Variants in NUP107 observed in about 807,000 individuals in gnomAD.
The protein encoded by NUP107 is nucleoporin 107.
Under a neutral mutation model 141.0 loss-of-function variants are expected in NUP107, and 101 were observed. That is an observed-to-expected ratio of 0.72 (90% CI 0.61 to 0.84). NUP107 has a LOEUF of 0.84. NUP107 is among the 40% of genes least tolerant of loss of function. NUP107 has a pLI of 0.00. For synonymous variants in NUP107, 319 were observed against 363.9 expected, an observed-to-expected ratio of 0.88 and a Z score of 1.41; for missense variants, 941 against 1,102.7, an observed-to-expected ratio of 0.85 and a Z score of 2.08.
Position 68,742,000 on chromosome 12 carries a change from A to G in NUP107, c.2670+20A>G. 1 of 1,541,638 alleles carries G rather than the reference A, an allele frequency of 6.5e-7. No homozygotes were observed. The highest frequency in any genetic ancestry group is 8.8e-7 in the Non-Finnish European group (1 of 1,141,668). On this transcript the variant is annotated intron_variant, in intron 27 of 27. Transcript: ENST00000229179. ...TACCTGGTAAGTTCTAGAGCCTTGT[A>G]GTTTTAAATTTTAATGATTTGATAT... is the stretch of plus-strand genomic sequence containing the variant.
intron 20 of NUP107, 65 bp downstream of exon 20, chr12:68,727,454 G>T: frequency 1.1e-6 from 1 of 885,668 alleles, no homozygotes; most frequent in Non-Finnish European, 1.8e-6. Context: ...AACTCAGAAT[G>T]ATGCTATTTT....
intron 21 of NUP107, 56 bp downstream of exon 21, chr12:68,731,316 G>C (rs555115443): frequency 7.3e-6 from 11 of 1,503,950 alleles, no homozygotes; most frequent in Non-Finnish European, 9.9e-6. Flanking sequence ...GTTCATTTTG[G>C]CTGTAGTAAC....
intron 1 of NUP107, among the ~76,000 whole-genome samples, chr12:68,688,338 C>T (rs894431373): frequency 4.6e-5 from 7 of 152,212 alleles, no homozygotes; most frequent in African/African-American, 1.4e-4. Context: ...CCTTTTAGTC[C>T]GCACAATTTA....
intron 8 of NUP107, chr12:68,705,898 AC>A: frequency 4.6e-6 from 4 of 873,056 alleles, no homozygotes; most frequent in Middle Eastern, 2.5e-4. Context: ...AGCTGTGTGC[AC>A]CCAGGTGAAG....
intron 12 of NUP107, among the ~76,000 whole-genome samples, chr12:68,717,137 G>A (rs1240480732): frequency 6.6e-6 from 1 of 151,930 alleles, no homozygotes; most frequent in African/African-American, 2.4e-5. Flanking sequence ...AGCTCAGGCA[G>A]TCCGCCTACC....
chr12:68,699,696 T>C (rs947582471), intron 6 of NUP107, among the ~76,000 whole-genome samples: 3 of 152,156 alleles, frequency 2.0e-5, no homozygotes, highest in Non-Finnish European at 4.4e-5. Flanking sequence ...GGAAAACCCA[T>C]TGTGGTGTTC....
Position 68,733,401 on chromosome 12 carries a change from C to G in NUP107, c.2102-51C>G, listed in dbSNP as rs377367661. 19 of 1,531,186 alleles carry G rather than the reference C, an allele frequency of 1.2e-5. No homozygotes were observed. The African/African-American group carries it at 2.6e-4, about 21-fold the overall frequency. The allele number at this position is 1,531,186 out of a possible 1,614,324, so 94.8% of individuals were successfully genotyped here. A position where few individuals can be genotyped will look rare whatever the true frequency, so the allele number is the denominator to read the frequency against. On this transcript the variant is annotated intron_variant, in intron 23 of 27. Coordinates refer to ENST00000229179, the MANE Select transcript of NUP107 (RefSeq NM_020401.4). ...ACCAGTGATTTGACTCCTTTAGAAACCATTACAGAGAAGTCCGTAGGCATT... is the reference window on the plus strand; with the variant it reads ...ACCAGTGATTTGACTCCTTTAGAAAGCATTACAGAGAAGTCCGTAGGCATT...
chr12:68,731,069 A>G, intron 20 of NUP107, 41 bp from the exon 21 acceptor site: 1 of 1,391,210 alleles, frequency 7.2e-7, no homozygotes, highest in Non-Finnish European at 9.8e-7. Context: ...TATACTTTTA[A>G]TTTTATTATT....
Position 68,742,378 on chromosome 12 carries a change from G to A in NUP107, c.2694G>A (p.Arg898=). The change falls in exon 28 of 28, where the codon AGG becomes AGA. Residue 898 remains arginine, a synonymous_variant. Coordinates refer to ENST00000229179, the MANE Select transcript of NUP107 (RefSeq NM_020401.4). Reference sequence around the variant, plus strand: ...AGGTATTTTCTAAGGAAGAGCTAAGGAAGTTGCTGCAGAAGCTCAGAGAGT... The same window carrying A: ...AGGTATTTTCTAAGGAAGAGCTAAGAAAGTTGCTGCAGAAGCTCAGAGAGT... ...LYLVFSKEEL[R]KLLQKLRESS... The A allele has an allele frequency of 1.2e-6, 2 of 1,609,932 alleles. No homozygotes were observed. The highest frequency in any genetic ancestry group is 1.1e-5 in the South Asian group (1 of 90,784).
At chr12:68,702,893 G>C in intron 8 of NUP107, 109 bp downstream of exon 8, 1 of 549,450 alleles carries the variant, frequency 1.8e-6, no homozygotes, top group Non-Finnish European at 3.1e-6. Flanking sequence ...GCCCAGGCTG[G>C]AGGGCAATGG....
intron 7 of NUP107, among the ~76,000 whole-genome samples, chr12:68,701,205 C>T (rs1004623260): frequency 3.3e-5 from 5 of 152,168 alleles, no homozygotes; most frequent in Non-Finnish European, 7.3e-5. Context: ...ATACCATGTA[C>T]ATATCCTTGA....
Position 68,727,341 on chromosome 12 carries a change from T to G in NUP107, c.1696-10T>G. ...GTGTATTTATAATTATGTCTTTTTTTCCTATGAAGGAGGAAGTTTCTATTG... is the reference window on the plus strand; with the variant it reads ...GTGTATTTATAATTATGTCTTTTTTGCCTATGAAGGAGGAAGTTTCTATTG... On this transcript the variant is annotated splice_polypyrimidine_tract_variant and intron_variant, in intron 19 of 27. Coordinates refer to ENST00000229179, the MANE Select transcript of NUP107 (RefSeq NM_020401.4). 6.9e-7 allele frequency: 1 copy of G among 1,440,348 alleles called. No homozygotes were observed. The highest frequency in any genetic ancestry group is 1.2e-5 in the South Asian group (1 of 81,656). The allele number at this position is 1,440,348 out of a possible 1,614,324, so 89.2% of individuals were successfully genotyped here. A position where few individuals can be genotyped will look rare whatever the true frequency, so the allele number is the denominator to read the frequency against.
intron 8 of NUP107, among the ~76,000 whole-genome samples, chr12:68,703,844 A>G (rs935421623): frequency 3.9e-5 from 6 of 152,106 alleles, no homozygotes; most frequent in Admixed American, 2.6e-4. Flanking sequence ...GTATAAATGT[A>G]CTGTAATTTT....
At chr12:68,707,917 T>G (rs1441516378) in intron 8 of NUP107, among the ~76,000 whole-genome samples, 2 of 152,016 alleles carry the variant, frequency 1.3e-5, no homozygotes, top group Admixed American at 6.6e-5. Flanking sequence ...GCCAACATGG[T>G]GAAACCCGTC....
chr12:68,687,090 G>T lies in NUP107; in HGVS notation c.8+17G>T, dbSNP rs1196065260. 1 of 1,613,954 alleles carries T rather than the reference G, an allele frequency of 6.2e-7. No homozygotes were observed. On this transcript the variant is annotated intron_variant, in intron 1 of 27. Coordinates refer to ENST00000229179, the MANE Select transcript of NUP107 (RefSeq NM_020401.4). The stretch of plus-strand genomic sequence containing the variant: ...CATGGACAGGTCAGTACTGATGGTG[G>T]CAGCTGAGCCCGAAGTCTTGCCCGT...
intron 25 of NUP107, 87 bp from the exon 26 acceptor site, chr12:68,735,144 C>A (rs145073453): frequency 1.1e-6 from 1 of 906,632 alleles, no homozygotes; most frequent in Non-Finnish European, 1.8e-6. Flanking sequence ...GAATGATGTT[C>A]TATATGTATG....
At chr12:68,714,038 C>A in intron 11 of NUP107, 4 of 433,600 alleles carry the variant, frequency 9.2e-6, no homozygotes, top group Admixed American at 4.5e-5. Context: ...AACTTGACAG[C>A]ATTAAAAACA....
chr12:68,736,103 T>C (rs1878056350), intron 26 of NUP107, among the ~76,000 whole-genome samples: 1 of 152,130 alleles, frequency 6.6e-6, no homozygotes, highest in Non-Finnish European at 1.5e-5. Flanking sequence ...ACAGAAACAG[T>C]GAGTAGCTTA....
At chr12:68,721,309 G>A (rs1401185145) in intron 15 of NUP107, 132 bp downstream of exon 15, 3 of 533,940 alleles carry the variant, frequency 5.6e-6, no homozygotes, top group Non-Finnish European at 9.8e-6. Flanking sequence ...GTGTAGCAAT[G>A]ATAGAGATAA....
Sources: gnomAD v4.1 joint callset for allele counts (sites outside exome capture counted in the v4.1 genomes callset) on GRCh38, gnomAD v4.1.1 for gene constraint, MANE v1.5 for transcripts, NCBI Gene and HGNC (gene_info 2026-07-23, HGNC 2026-07-21) for gene names.